MUSK: variants seen among roughly 807,000 people sequenced by gnomAD.
MUSK encodes muscle, skeletal receptor tyrosine-protein kinase.
A neutral mutation model predicts 88.7 loss-of-function variants in MUSK; 55 were observed. The observed-to-expected ratio is 0.62, with a 90% CI of 0.50 to 0.78. The LOEUF (loss-of-function observed/expected upper bound fraction) is 0.78. Among genes scored for constraint, MUSK ranks in the 30% least tolerant of loss-of-function variants. The pLI is 0.00. For synonymous variants in MUSK, 387 were observed against 391.9 expected, an observed-to-expected ratio of 0.99 and a Z score of 0.15; for missense variants, 1,015 against 1,074.3, an observed-to-expected ratio of 0.94 and a Z score of 0.77.
intron 5 of MUSK, among the ~76,000 whole-genome samples, chr9:110,707,822 G>A (rs771839454): frequency 6.6e-6 from 1 of 152,146 alleles, no homozygotes; most frequent in African/African-American, 2.4e-5. Context: ...TTGAAAAGCA[G>A]CCTCTTGTCA....
intron 1 of MUSK, among the ~76,000 whole-genome samples, chr9:110,681,027 T>TA (rs2076106636): frequency 1.4e-4 from 4 of 27,694 alleles, no homozygotes; most frequent in African/African-American, 6.5e-4. Flanking sequence ...ATATATTATA[T>TA]ATTATATATT....
rs1564209556 is a variant in MUSK at position 110,681,055 on chromosome 9, TATTA to T, written c.80-1618_80-1615del. On this transcript the variant is annotated intron_variant, in intron 1 of 14. Transcript: ENST00000374448. Reference sequence around the variant, plus strand: ...TATATATTATATAATATATATTATATATTATATATATAATATTATATATATTATA... The same window carrying T: ...TATATATTATATAATATATATTATATTATATATAATATTATATATATTATA... 5.2e-5 allele frequency among the ~76,000 whole-genome samples: 2 copies of T among 38,590 alleles called. 1 individual carries two copies. The highest frequency in any genetic ancestry group is 3.6e-4 in the African/African-American group (2 of 5,616). 25.3% of individuals were successfully genotyped at this position (38,590 alleles called of 152,430 possible). A position where few individuals can be genotyped will look rare whatever the true frequency, so the allele number is the denominator to read the frequency against.
intron 5 of MUSK, chr9:110,728,781 T>C: frequency 7.3e-7 from 1 of 1,377,456 alleles, no homozygotes; most frequent in Non-Finnish European, 9.8e-7. Flanking sequence ...TTGTTTATTT[T>C]TGTTGACCTT....
In MUSK at chr9:110,682,883, T is replaced by C. The variant is rs567503197; in HGVS notation, c.206+83T>C. The C allele has an allele frequency of 2.8e-4, 276 of 980,388 alleles. 1 individual carries two copies. The South Asian group carries it at 5.5e-3, about 19-fold the overall frequency. 60.7% of individuals were successfully genotyped at this position (980,388 alleles called of 1,614,324 possible). ...TATATGTATATATTTATGAAGTAGA[T>C]GAGATGTTTTGATACAGGCATGCAA... is the stretch of plus-strand genomic sequence containing the variant. On this transcript the variant is annotated intron_variant, in intron 2 of 14. Transcript: ENST00000374448.
intron 6 of MUSK, among the ~76,000 whole-genome samples, chr9:110,745,804 T>C (rs563882453): frequency 2.6e-5 from 4 of 152,320 alleles, no homozygotes; most frequent in East Asian, 1.9e-4. Flanking sequence ...TGAAGGTAAA[T>C]TGATACTCAC....
At chr9:110,680,376 TTTTTTTC>T (rs2076091935) in intron 1 of MUSK, among the ~76,000 whole-genome samples, 1 of 76,532 alleles carries the variant, frequency 1.3e-5, no homozygotes, top group South Asian at 2.9e-4. Context: ...AATTTCTTTC[TTTTTTTC>T]TTTTTTTTTT....
chr9:110,784,931 AT>A lies in MUSK; in HGVS notation c.1502del (p.Met501SerfsTer12). ...TYSMTVIISI[M>X]SSFAIFVLLT... is the part of the protein sequence containing the mutation. ...CTCCATGACTGTAATAATCTCCATC[AT>A]GTCCAGCTTTGCAATATTTGTGCTT... On this transcript the variant is annotated frameshift_variant, in exon 12 of 15. Transcript: ENST00000374448. LOFTEE classifies it high-confidence loss of function. The A allele has an allele frequency of 6.2e-7, 1 of 1,613,868 alleles. No individual in the cohort carries two copies. Among genetic ancestry groups the A allele is most frequent in the East Asian group, 2.2e-5 (1 of 44,862 alleles).
chr9:110,672,773 C>G (rs1378156211), intron 1 of MUSK, among the ~76,000 whole-genome samples: 2 of 151,884 alleles, frequency 1.3e-5, no homozygotes, highest in East Asian at 1.9e-4. Context: ...CTTTATGTAC[C>G]CAATCATTGG....
intron 3 of MUSK, 44 bp downstream of exon 3, chr9:110,687,312 G>T: frequency 3.1e-6 from 5 of 1,606,056 alleles, no homozygotes; most frequent in Non-Finnish European, 4.3e-6. Flanking sequence ...AAGTTGACTT[G>T]GTACACTTAG....
intron 3 of MUSK, among the ~76,000 whole-genome samples, chr9:110,688,716 T>G (rs2076230659): frequency 6.6e-6 from 1 of 151,844 alleles, no homozygotes; most frequent in Non-Finnish European, 1.5e-5. Flanking sequence ...CATGCAGTGT[T>G]TGGTTATCTG....
In MUSK at chr9:110,800,466, C is replaced by T; in HGVS notation, c.2088C>T (p.Pro696=). ...AGGTCTCCAGCCCTGGGCCCCCACC[C>T]CTCTCCTGTGCTGAGCAGCTTTGCA... ...RAQVSSPGPP[P]LSCAEQLCIA... The change falls in exon 15 of 15, where the codon CCC becomes CCT. Residue 696 remains proline (P), a synonymous_variant. Transcript: ENST00000374448. The T allele has an allele frequency of 1.2e-6, 2 of 1,613,908 alleles. No homozygotes were observed. The highest frequency in any genetic ancestry group is 8.5e-7 in the Non-Finnish European group (1 of 1,179,866).
chr9:110,734,027 A>G (rs1448936066), intron 5 of MUSK, among the ~76,000 whole-genome samples: 1 of 152,066 alleles, frequency 6.6e-6, no homozygotes, highest in Non-Finnish European at 1.5e-5. Flanking sequence ...GCAAGTTTCC[A>G]TGTTAAGAAC....
At chr9:110,679,980 T>C (rs1425989060) in intron 1 of MUSK, among the ~76,000 whole-genome samples, 1 of 152,168 alleles carries the variant, frequency 6.6e-6, no homozygotes, top group African/African-American at 2.4e-5. Flanking sequence ...ATTGCAATGG[T>C]ATTTCACCAC....
At chr9:110,743,974 T>A (rs535700517) in intron 6 of MUSK, among the ~76,000 whole-genome samples, 1 of 151,650 alleles carries the variant, frequency 6.6e-6, no homozygotes, top group East Asian at 1.9e-4. Flanking sequence ...TTTTTTTTTT[T>A]ATTTTTTTCC....
chr9:110,780,795 T>C (rs947907355), intron 11 of MUSK, among the ~76,000 whole-genome samples: 1 of 152,210 alleles, frequency 6.6e-6, no homozygotes, highest in South Asian at 2.1e-4. Flanking sequence ...TTATCCGTGA[T>C]ATCTGTATGA....
chr9:110,737,488 G>A (rs1235972386), intron 6 of MUSK, among the ~76,000 whole-genome samples: 3 of 151,518 alleles, frequency 2.0e-5, no homozygotes, highest in Non-Finnish European at 4.4e-5. Flanking sequence ...TAATTGTGTT[G>A]TTTCAATTTT....
intron 2 of MUSK, 33 bp from the exon 3 acceptor site, chr9:110,687,084 C>A (rs139108780): frequency 1.9e-6 from 3 of 1,597,458 alleles, no homozygotes; most frequent in Non-Finnish European, 2.6e-6. Context: ...ACAGAGGAAG[C>A]ACTAATCTGT....
intron 5 of MUSK, among the ~76,000 whole-genome samples, chr9:110,712,885 T>C (rs1009012466): frequency 1.3e-5 from 2 of 152,188 alleles, no homozygotes; most frequent in African/African-American, 2.4e-5. Flanking sequence ...AAGATGGATA[T>C]GCAAACAAGT....
intron 14 of MUSK, among the ~76,000 whole-genome samples, chr9:110,799,019 C>T (rs1353921828): frequency 1.3e-5 from 2 of 151,888 alleles, no homozygotes; most frequent in Non-Finnish European, 2.9e-5. Context: ...ATGGTAAAGC[C>T]AGTTGATGAG....
Sources: allele counts gnomAD v4.1 joint callset (sites outside exome capture counted in the v4.1 genomes callset), GRCh38; gene constraint gnomAD v4.1.1; transcripts MANE v1.5; gene names NCBI Gene and HGNC (gene_info 2026-07-23, HGNC 2026-07-21).